Variants in BRF2 observed in about 807,000 individuals in gnomAD.
The protein encoded by BRF2 is BRF2 general transcription factor IIIB subunit.
BRF2 carries 17 observed loss-of-function variants against 26.6 expected under a neutral mutation model. The ratio of observed to expected loss-of-function variants is 0.64; its 90% CI spans 0.44 to 0.96. BRF2 has a LOEUF of 0.96. Among genes scored for constraint, BRF2 ranks in the 40% least tolerant of loss-of-function variants. BRF2 has a pLI of 0.00. For synonymous variants in BRF2, 219 were observed against 226.6 expected, an observed-to-expected ratio of 0.97 and a Z score of 0.30; for missense variants, 515 against 537.0, an observed-to-expected ratio of 0.96 and a Z score of 0.40.
chr8:37,844,145 C>T lies in BRF2; in HGVS notation c.*345G>A, dbSNP rs1805901181. 3.9e-6 allele frequency: 1 copy of T among 258,338 alleles called. No homozygotes were observed. The highest frequency in any genetic ancestry group is 7.0e-5 in the South Asian group (1 of 14,256). The allele number at this position is 258,338 out of a possible 1,614,324, so 16.0% of individuals were successfully genotyped here. A position where few individuals can be genotyped will look rare whatever the true frequency, so the allele number is the denominator to read the frequency against. On this transcript the variant is annotated 3_prime_UTR_variant, in exon 4 of 4. Transcript: ENST00000220659. ...CAACCACTCCACAAGCAGAGGGAAGCCCCCTCAGGCCTGCAGGAGGAGCCG... is the reference window on the plus strand; with the variant it reads ...CAACCACTCCACAAGCAGAGGGAAGTCCCCTCAGGCCTGCAGGAGGAGCCG...
At position 37,845,048 on chromosome 8, in the gene BRF2, C is replaced by T. The variant is rs752385308; in HGVS notation, c.702G>A (p.Trp234Ter). The T allele has an allele frequency of 6.2e-7, 1 of 1,613,882 alleles. No individual in the cohort carries two copies. ...PVITAATFLA[W>*]QSLQPADRLS... Reference sequence around the variant, plus strand: ...GCCGATCTGCAGGCTGCAGCGACTGCCAAGCCAGGAAAGTCGCAGCAGTGA... The same window carrying T: ...GCCGATCTGCAGGCTGCAGCGACTGTCAAGCCAGGAAAGTCGCAGCAGTGA... Residue 234 changes from tryptophan to a stop codon, truncating the protein, a stop_gained, in exon 4 of 4, where the codon TGG becomes TGA. Coordinates refer to ENST00000220659, the MANE Select transcript of BRF2 (RefSeq NM_018310.4). LOFTEE classifies it low-confidence loss of function (END_TRUNC).
At position 37,843,337 on chromosome 8, in the gene BRF2, C is replaced by T. The variant is rs552742836; in HGVS notation, c.*1153G>A. On this transcript the variant is annotated 3_prime_UTR_variant, in exon 4 of 4. Coordinates refer to ENST00000220659, the MANE Select transcript of BRF2 (RefSeq NM_018310.4). ...TCCGTAAGGCCAGAGGAAGAACCAT[C>T]CCAATCATTTGATCTCCAGCTCCAC... 2 of 152,356 alleles carry T rather than the reference C, an allele frequency of 1.3e-5. No homozygotes were observed. The highest frequency in any genetic ancestry group is 4.1e-4 in the South Asian group (2 of 4,826). The allele number at this position is 152,356 out of a possible 1,614,324, so 9.4% of individuals were successfully genotyped here.
rs763697505 is a variant in BRF2 at position 37,844,655 on chromosome 8, G to T, written c.1095C>A (p.Ser365=). ...GGGGTACAGGGCAGATCCGCTTCGGGGACTTCAACATGCAGGGTGGCAAGA... is the reference window on the plus strand; with the variant it reads ...GGGGTACAGGGCAGATCCGCTTCGGTGACTTCAACATGCAGGGTGGCAAGA... ...ALLLPPCMLK[S]PKRICPVPPV... Residue 365 remains serine (S), a synonymous_variant, in exon 4 of 4, where the codon TCC becomes TCA. Coordinates refer to ENST00000220659, the MANE Select transcript of BRF2 (RefSeq NM_018310.4). 4 of 1,613,968 alleles carry T rather than the reference G, an allele frequency of 2.5e-6. No homozygotes were observed.
rs772269743 is a variant in BRF2, at chr8:37,844,383, A to G, written c.*107T>C. ...GGCAGAGCCCCTCTTGGTTCCTTCA[A>G]ACAAGAAAAGCAATACCTACGGACT... On this transcript the variant is annotated 3_prime_UTR_variant, in exon 4 of 4. Transcript: ENST00000220659. 239 of 1,476,112 alleles carry G rather than the reference A, an allele frequency of 1.6e-4. 3 individuals carry two copies. The highest frequency in any genetic ancestry group is 8.0e-4 in the Admixed American group (39 of 48,680). The allele number at this position is 1,476,112 out of a possible 1,614,324, so 91.4% of individuals were successfully genotyped here.
chr8:37,845,247 G>C lies in BRF2; in HGVS notation c.537-34C>G, dbSNP rs758055506. ...ACCAAAATGAGGGTTGGATCTTAAT[G>C]ATATAGGGGCTGCTCTCCCACAGTG... On this transcript the variant is annotated intron_variant, in intron 3 of 3. Transcript: ENST00000220659. 16 of 1,558,522 alleles carry C rather than the reference G, an allele frequency of 1.0e-5. No individual in the cohort carries two copies. In the African/African-American group the frequency reaches 2.2e-4, roughly 21 times the overall value.
intron 3 of BRF2, 64 bp downstream of exon 3, chr8:37,846,790 G>A: frequency 8.5e-7 from 1 of 1,172,540 alleles, no homozygotes; most frequent in South Asian, 1.4e-5. Context: ...ATGGCCAAAG[G>A]TCAAAGGATT....
rs773916464 is a variant in BRF2 at position 37,844,995 on chromosome 8, T to G, written c.755A>C (p.Lys252Thr). The change falls in exon 4 of 4, where the codon AAA (lysine) becomes ACA (threonine). Residue 252 changes from lysine to threonine, a missense_variant. Transcript: ENST00000220659. ...GTAGGGCAGGTCCACATTTGCCAAT[T>G]TACAAAATCGGGCAAGGGAACATGA... ...RLSCSLARFC[K>T]LANVDLPYPA... The G allele has an allele frequency of 1.9e-6, 3 of 1,613,968 alleles. No homozygotes were observed. Among genetic ancestry groups the G allele is most frequent in the South Asian group, 2.2e-5 (2 of 91,082 alleles).
In BRF2 at chr8:37,847,076, C is replaced by G. The variant is rs1805974141; in HGVS notation, c.314G>C (p.Gly105Ala). The G allele has an allele frequency of 6.2e-7, 1 of 1,614,234 alleles. No homozygotes were observed. The highest frequency in any genetic ancestry group is 2.2e-5 in the East Asian group (1 of 44,882). Residue 105 changes from glycine (G) to alanine (A), a missense_variant, in exon 3 of 4, where the codon GGC becomes GCC. Transcript: ENST00000220659. ...AYYQQAYRHS[G>A]IRAARLQKKE... is the part of the protein sequence containing the mutation. Reference sequence around the variant, plus strand: ...CTTTTGCAGCCTGGCCGCTCGGATGCCAGAGTGCCGATATGCCTGTTGGTA... The same window carrying G: ...CTTTTGCAGCCTGGCCGCTCGGATGGCAGAGTGCCGATATGCCTGTTGGTA...
At position 37,845,076 on chromosome 8, in the gene BRF2, A is replaced by T; in HGVS notation, c.674T>A (p.Val225Asp). 2 of 1,613,864 alleles carry T rather than the reference A, an allele frequency of 1.2e-6. No individual in the cohort carries two copies. Among genetic ancestry groups the T allele is most frequent in the South Asian group, 1.1e-5 (1 of 91,086 alleles). Residue 225 changes from valine to aspartate, a missense_variant, in exon 4 of 4, where the codon GTC becomes GAC. Val to Asp is a radical substitution (Grantham distance 152). Transcript: ENST00000220659. The stretch of plus-strand genomic sequence containing the variant: ...AGCCAGGAAAGTCGCAGCAGTGATG[A>T]CGGGCAAGGGATGCCTCCCGGTCAC... ...WLVTGRHPLP[V>D]ITAATFLAWQ... is the part of the protein sequence containing the mutation.
At position 37,844,444 on chromosome 8, in the gene BRF2, T is replaced by C; in HGVS notation, c.*46A>G. 6.3e-7 allele frequency: 1 copy of C among 1,589,978 alleles called. No individual in the cohort carries two copies. Among genetic ancestry groups the C allele is most frequent in the South Asian group, 1.1e-5 (1 of 87,712 alleles). On this transcript the variant is annotated 3_prime_UTR_variant, in exon 4 of 4. Coordinates refer to ENST00000220659, the MANE Select transcript of BRF2 (RefSeq NM_018310.4). ...TCCATCCTTGGTTATAACAGGAATG[T>C]TATCAAGCTGTCAGAACAGGATGAA... is the stretch of plus-strand genomic sequence containing the variant.
At chr8:37,845,242 T>C (rs1805933342) in intron 3 of BRF2, 29 bp from the exon 4 acceptor site, 2 of 1,575,522 alleles carry the variant, frequency 1.3e-6, no homozygotes, top group Admixed American at 3.4e-5. Flanking sequence ...GGGTTGGATC[T>C]TAATGATATA....
chr8:37,848,895 A>G (rs909560344), intron 1 of BRF2, among the ~76,000 whole-genome samples: 1 of 152,194 alleles, frequency 6.6e-6, no homozygotes, highest in African/African-American at 2.4e-5. Context: ...CTTCCAGTAC[A>G]TTCCATACAG....
At chr8:37,846,811 G>T in intron 3 of BRF2, 43 bp downstream of exon 3, 1 of 1,393,568 alleles carries the variant, frequency 7.2e-7, no homozygotes, top group South Asian at 1.2e-5. Context: ...CAGGTCTAAG[G>T]ACCCATCCCA....
rs1805980867 is a variant in BRF2, at chr8:37,847,311, A to G, written c.215-136T>C. ...ATGCACAAATTATGTACCTTTCTGC[A>G]TAGACAGGAGTGACACTTGGTATAG... On this transcript the variant is annotated intron_variant, in intron 2 of 3. Coordinates refer to ENST00000220659, the MANE Select transcript of BRF2 (RefSeq NM_018310.4). 1.5e-5 allele frequency: 11 copies of G among 752,722 alleles called. 1 individual carries two copies. Among genetic ancestry groups the G allele is most frequent in the Non-Finnish European group, 2.3e-5 (10 of 428,246 alleles). The allele number at this position is 752,722 out of a possible 1,614,324, so 46.6% of individuals were successfully genotyped here.
Position 37,844,374 on chromosome 8 carries a change from G to A in BRF2, c.*116C>T. The stretch of plus-strand genomic sequence containing the variant: ...CCAACTAATGGCAGAGCCCCTCTTG[G>A]TTCCTTCAAACAAGAAAAGCAATAC... On this transcript the variant is annotated 3_prime_UTR_variant, in exon 4 of 4. Transcript: ENST00000220659. The A allele has an allele frequency of 7.2e-7, 1 of 1,391,894 alleles. No homozygotes were observed. Among genetic ancestry groups the A allele is most frequent in the Non-Finnish European group, 9.8e-7 (1 of 1,015,830 alleles). The allele number at this position is 1,391,894 out of a possible 1,614,324, so 86.2% of individuals were successfully genotyped here.
Position 37,844,492 on chromosome 8 carries a change from A to G in BRF2, c.1258T>C (p.Ter420ArgextTer20). Reference sequence around the variant, plus strand: ...GAAGTGCTCCCAGTGGATATCCATCAGGGAGGGTTAGGGACACTCGTGGCA... The same window carrying G: ...GAAGTGCTCCCAGTGGATATCCATCGGGGAGGGTTAGGGACACTCGTGGCA... ...QAATSVPNPP* is the reference protein window; with the variant it reads ...QAATSVPNPPR Residue 420 changes from the stop codon to arginine, a stop_lost, in exon 4 of 4, where the codon TGA (stop) becomes CGA (arginine). Coordinates refer to ENST00000220659, the MANE Select transcript of BRF2 (RefSeq NM_018310.4). The G allele has an allele frequency of 6.2e-7, 1 of 1,611,992 alleles. No homozygotes were observed. Among genetic ancestry groups the G allele is most frequent in the African/African-American group, 1.3e-5 (1 of 75,016 alleles).
In BRF2 at chr8:37,844,415, C is replaced by A; in HGVS notation, c.*75G>T. On this transcript the variant is annotated 3_prime_UTR_variant, in exon 4 of 4. Coordinates refer to ENST00000220659, the MANE Select transcript of BRF2 (RefSeq NM_018310.4). ...AAAGCAATACCTACGGACTGGTGTA[C>A]ACTTCCATCCTTGGTTATAACAGGA... 6.4e-7 allele frequency: 1 copy of A among 1,554,814 alleles called. No individual in the cohort carries two copies. Among genetic ancestry groups the A allele is most frequent in the Non-Finnish European group, 8.7e-7 (1 of 1,144,872 alleles).
chr8:37,845,534 T>C (rs912961399), intron 3 of BRF2, among the ~76,000 whole-genome samples: 5 of 152,196 alleles, frequency 3.3e-5, no homozygotes, highest in East Asian at 1.9e-4. Context: ...AACTTTCCCA[T>C]AGTCATCCAG....
intron 3 of BRF2, chr8:37,845,564 C>G: frequency 1.6e-6 from 1 of 622,226 alleles, no homozygotes; most frequent in Non-Finnish European, 2.9e-6. Context: ...AACCAAGCTT[C>G]AAATACAAGG....
Sources: gnomAD v4.1 joint callset for allele counts (sites outside exome capture counted in the v4.1 genomes callset) on GRCh38, gnomAD v4.1.1 for gene constraint, MANE v1.5 for transcripts, NCBI Gene and HGNC (gene_info 2026-07-23, HGNC 2026-07-21) for gene names.